SPOCK3: variants seen among roughly 807,000 people sequenced by gnomAD.
SPOCK3 encodes SPARC (osteonectin), cwcv and kazal like domains proteoglycan 3, also known as testican-3.
SPOCK3 carries 30 observed loss-of-function variants against 56.6 expected under a neutral mutation model. The ratio of observed to expected loss-of-function variants is 0.53; its 90% CI spans 0.40 to 0.72. SPOCK3 has a LOEUF of 0.72. Ranked by LOEUF, SPOCK3 falls within the 30% of genes least tolerant of loss-of-function variation. The pLI is 0.00. For synonymous variants in SPOCK3, 196 were observed against 183.3 expected (o/e 1.07, Z -0.56); for missense variants, 527 against 530.0 (o/e 0.99, Z 0.06).
At chr4:166,764,297 C>T (rs1737666710) in intron 7 of SPOCK3, among the ~76,000 whole-genome samples, 3 of 152,076 alleles carry the variant, frequency 2.0e-5, no homozygotes, top group Non-Finnish European at 4.4e-5. Flanking sequence ...CCCATTAACT[C>T]GTCATTTACA....
chr4:167,119,690 C>T, intron 2 of SPOCK3: 3 of 778,442 alleles, frequency 3.9e-6, no homozygotes, highest in Non-Finnish European at 6.0e-6. Flanking sequence ...ATCAGAAAAA[C>T]AACACATTTG....
intron 3 of SPOCK3, among the ~76,000 whole-genome samples, chr4:167,058,683 G>A (rs552109986): frequency 7.1e-4 from 108 of 152,172 alleles, no homozygotes; most frequent in African/African-American, 2.3e-3. Flanking sequence ...AAAAGAGCCC[G>A]CATCGCCAAG....
At chr4:167,166,279 C>G (rs1457384410) in intron 2 of SPOCK3, among the ~76,000 whole-genome samples, 1 of 152,052 alleles carries the variant, frequency 6.6e-6, no homozygotes, top group Non-Finnish European at 1.5e-5. Context: ...AAGTCAGTAC[C>G]TAACATTCCA....
intron 6 of SPOCK3, among the ~76,000 whole-genome samples, chr4:166,797,450 T>G (rs1253344815): frequency 6.6e-6 from 1 of 151,890 alleles, no homozygotes; most frequent in African/African-American, 2.4e-5. Flanking sequence ...TGGCTTTTTA[T>G]TTATTTTTTG....
intron 6 of SPOCK3, among the ~76,000 whole-genome samples, chr4:166,887,772 C>G (rs913540593): frequency 6.6e-6 from 1 of 150,604 alleles, no homozygotes; most frequent in Non-Finnish European, 1.5e-5. Context: ...TTATACTGCT[C>G]GGGTGATGGG....
intron 5 of SPOCK3, among the ~76,000 whole-genome samples, chr4:166,890,229 A>G (rs1465680231): frequency 6.6e-6 from 1 of 151,926 alleles, no homozygotes; most frequent in East Asian, 1.9e-4. Flanking sequence ...CCACACAGGT[A>G]ATGGAAAAAG....
chr4:166,777,420 T>C (rs1161901470), intron 7 of SPOCK3, among the ~76,000 whole-genome samples: 1 of 152,132 alleles, frequency 6.6e-6, no homozygotes, highest in Non-Finnish European at 1.5e-5. Context: ...ACGTACTTGA[T>C]ATTGGTTTGC....
intron 2 of SPOCK3, among the ~76,000 whole-genome samples, chr4:167,091,756 T>A (rs888731188): frequency 1.3e-5 from 2 of 152,084 alleles, no homozygotes; most frequent in African/African-American, 4.8e-5. Context: ...AAGTGGAAAA[T>A]CCCCATGAAT....
rs770376243 is a variant in SPOCK3, at chr4:166,742,021, G to C, written c.970C>G (p.Arg324Gly). ...CCTAGGAGCTTCTTTACCCCTTGCC[G>C]CTTCTGAATATTGCTGAGCTCAGTC... Reference protein sequence around the residue: ...CQTELSNIQKRQGVKKLLGQY... With the variant: ...CQTELSNIQKGQGVKKLLGQY... The change falls in exon 9 of 11, where the codon CGG (arginine) becomes GGG (glycine). Residue 324 changes from arginine (R) to glycine (G), a missense_variant. By Grantham distance (125) the Arg-to-Gly change is moderately radical. Coordinates refer to ENST00000357545, the MANE Select transcript of SPOCK3 (RefSeq NM_001040159.2). 1.2e-6 allele frequency: 2 copies of C among 1,612,502 alleles called. No homozygotes were observed. Among genetic ancestry groups the C allele is most frequent in the Non-Finnish European group, 1.7e-6 (2 of 1,179,090 alleles).
chr4:167,183,930 T>C (rs1171919252), intron 2 of SPOCK3, among the ~76,000 whole-genome samples: 1 of 152,182 alleles, frequency 6.6e-6, no homozygotes, highest in Non-Finnish European at 1.5e-5. Context: ...CATAAAACAT[T>C]GATTGAAAAA....
intron 2 of SPOCK3, among the ~76,000 whole-genome samples, chr4:167,080,727 T>G (rs897161774): frequency 6.6e-6 from 1 of 151,862 alleles, no homozygotes; most frequent in Non-Finnish European, 1.5e-5. Flanking sequence ...CTACCCGAGA[T>G]AGAAAAATAA....
intron 9 of SPOCK3, among the ~76,000 whole-genome samples, chr4:166,740,168 C>G (rs1315537329): frequency 6.6e-6 from 1 of 152,046 alleles, no homozygotes; most frequent in Admixed American, 6.6e-5. Flanking sequence ...ATCTCCAAAT[C>G]AGGACATGGG....
At chr4:167,039,747 A>G (rs563731898) in intron 3 of SPOCK3, among the ~76,000 whole-genome samples, 5 of 152,172 alleles carry the variant, frequency 3.3e-5, no homozygotes, top group Non-Finnish European at 5.9e-5. Flanking sequence ...GGACTATTTA[A>G]TATTTCGGAA....
At chr4:166,769,183 A>G (rs1738571323) in intron 7 of SPOCK3, among the ~76,000 whole-genome samples, 1 of 152,164 alleles carries the variant, frequency 6.6e-6, no homozygotes, top group Non-Finnish European at 1.5e-5. Flanking sequence ...TTCTTCTCTC[A>G]ACTCGTCAAA....
chr4:166,786,528 G>A (rs1241861415), intron 7 of SPOCK3, among the ~76,000 whole-genome samples: 1 of 152,082 alleles, frequency 6.6e-6, no homozygotes. Context: ...AAATATCATG[G>A]CTTAATTTGT....
At chr4:167,115,565 A>T (rs188432124) in intron 2 of SPOCK3, among the ~76,000 whole-genome samples, 203 of 152,238 alleles carry the variant, frequency 1.3e-3, no homozygotes, top group Non-Finnish European at 2.5e-3. Context: ...GAAATGTGCT[A>T]TAGATTCAAG....
intron 2 of SPOCK3, among the ~76,000 whole-genome samples, chr4:167,226,925 T>C (rs1184330413): frequency 6.6e-6 from 1 of 152,052 alleles, no homozygotes; most frequent in Non-Finnish European, 1.5e-5. Flanking sequence ...TTAACCTCTC[T>C]CTAACCAACG....
chr4:167,233,181 T>C (rs1193406618), intron 2 of SPOCK3, among the ~76,000 whole-genome samples: 1 of 152,112 alleles, frequency 6.6e-6, no homozygotes, highest in Non-Finnish European at 1.5e-5. Context: ...CTGGGCTCCA[T>C]TCAGATCAGG....
rs1352603358 is a variant in SPOCK3, at chr4:166,840,678, A to G, written c.590-48389T>C. Among the ~76,000 whole-genome samples, 3 of 150,358 alleles carry G rather than the reference A, an allele frequency of 2.0e-5. No individual in the cohort carries two copies. In the East Asian group the frequency reaches 6.0e-4, roughly 30 times the overall value. Reference sequence around the variant, plus strand: ...CACCTTCTCCCTACATTTCAGACTCATGATTTTCAGACACATAATTTTCAA... The same window carrying G: ...CACCTTCTCCCTACATTTCAGACTCGTGATTTTCAGACACATAATTTTCAA... On this transcript the variant is annotated intron_variant, in intron 6 of 10. Transcript: ENST00000357545.
Sources: gnomAD v4.1 joint callset for allele counts (sites outside exome capture counted in the v4.1 genomes callset) on GRCh38, gnomAD v4.1.1 for gene constraint, MANE v1.5 for transcripts, NCBI Gene and HGNC (gene_info 2026-07-23, HGNC 2026-07-21) for gene names.